The following PPP2R5E variants were observed in gnomAD, a reference collection of about 807,000 sequenced individuals.
The protein encoded by PPP2R5E is serine/threonine-protein phosphatase 2A 56 kDa regulatory subunit epsilon isoform.
A neutral mutation model predicts 65.3 loss-of-function variants in PPP2R5E; 4 were observed. The ratio of observed to expected loss-of-function variants is 0.06; its 90% CI spans 0.03 to 0.14. PPP2R5E has a LOEUF of 0.14. Among genes scored for constraint, PPP2R5E ranks in the 10% least tolerant of loss-of-function variants. The probability of loss-of-function intolerance (pLI) is 1.00; values close to 1 mark genes in which losing one functional copy is unlikely to be tolerated. For missense variants in PPP2R5E, 274 were observed against 556.1 expected (o/e 0.49, Z 5.10); for synonymous variants, 183 against 187.4 (o/e 0.98, Z 0.19).
At chr14:63,456,521 TTATC>T (rs1229650501) in intron 2 of PPP2R5E, among the ~76,000 whole-genome samples, 1 of 152,244 alleles carries the variant, frequency 6.6e-6, no homozygotes, top group Non-Finnish European at 1.5e-5. Context: ...ATTGGGCACT[TTATC>T]TAAGCACTTA....
chr14:63,401,058 G>A (rs980046846), intron 5 of PPP2R5E, among the ~76,000 whole-genome samples: 1 of 152,120 alleles, frequency 6.6e-6, no homozygotes, highest in Non-Finnish European at 1.5e-5. Flanking sequence ...ATGCATTGCC[G>A]AGTGCCTAAC....
intron 2 of PPP2R5E, among the ~76,000 whole-genome samples, chr14:63,462,398 G>C (rs1889532444): frequency 6.6e-6 from 1 of 152,084 alleles, no homozygotes; most frequent in Non-Finnish European, 1.5e-5. Context: ...TAAAAGCTGA[G>C]AAGATAAATC....
chr14:63,396,846 G>GTGC, intron 5 of PPP2R5E, 130 bp from the exon 6 acceptor site: 1 of 1,104,388 alleles, frequency 9.1e-7, no homozygotes, highest in Non-Finnish European at 1.3e-6. Flanking sequence ...GCCAAGCACA[G>GTGC]TGCTAGTCTT....
rs374503547 is a variant in PPP2R5E, at chr14:63,382,183, G to A, written c.1203-26C>T. On this transcript the variant is annotated intron_variant, in intron 12 of 13. Coordinates refer to ENST00000337537, the MANE Select transcript of PPP2R5E (RefSeq NM_006246.5). ...CTGGAAAGCACAGAAAAAAAGGAGT[G>A]TGTTAGTTAGTCTTATAAAATGGGA... The A allele has an allele frequency of 5.7e-6, 9 of 1,565,476 alleles. No homozygotes were observed. In the African/African-American group the frequency reaches 1.2e-4, roughly 21 times the overall value.
Position 63,539,578 on chromosome 14 carries a change from A to T in PPP2R5E, c.108T>A (p.Phe36Leu). ...ACTCAATAGGCTTGCCTTGAGACCT[A>T]AACTGTGAGGAACTTTGCGACCTCT... Reference protein sequence around the residue: ...RQKRSQSSSQFRSQGKPIELT... With the variant: ...RQKRSQSSSQLRSQGKPIELT... Residue 36 changes from phenylalanine to leucine, a missense_variant, in exon 2 of 14, where the codon TTT becomes TTA. By Grantham distance (22) the Phe-to-Leu change is conservative. Around this residue, in one of 6 missense-constraint regions of PPP2R5E, gnomAD observed 58 missense variants for 64.8 expected, o/e 0.90. Transcript: ENST00000337537. 1 of 1,614,104 alleles carries T rather than the reference A, an allele frequency of 6.2e-7. No individual in the cohort carries two copies. Among genetic ancestry groups the T allele is most frequent in the South Asian group, 1.1e-5 (1 of 91,082 alleles).
chr14:63,411,378 G>C (rs991655792), intron 5 of PPP2R5E, among the ~76,000 whole-genome samples: 2 of 152,106 alleles, frequency 1.3e-5, no homozygotes, highest in African/African-American at 4.8e-5. Flanking sequence ...ACCCTGGCTA[G>C]TTTAACAACT....
At chr14:63,465,859 T>G (rs981019530) in intron 2 of PPP2R5E, among the ~76,000 whole-genome samples, 5 of 152,096 alleles carry the variant, frequency 3.3e-5, no homozygotes. Context: ...GAAGCCCAAT[T>G]TTCAGTCAGG....
intron 3 of PPP2R5E, 112 bp downstream of exon 3, chr14:63,453,577 T>C: frequency 1.0e-6 from 1 of 987,930 alleles, no homozygotes; most frequent in Non-Finnish European, 1.5e-6. Context: ...CTCCAAAGGT[T>C]GGCTCTCATT....
chr14:63,408,135 T>C (rs1190611810), intron 5 of PPP2R5E, among the ~76,000 whole-genome samples: 1 of 152,222 alleles, frequency 6.6e-6, no homozygotes, highest in Admixed American at 6.5e-5. Context: ...TCACATTCTT[T>C]TTACAAACTG....
At chr14:63,395,196 G>A (rs1336466896) in intron 7 of PPP2R5E, 30 bp downstream of exon 7, 2 of 1,571,146 alleles carry the variant, frequency 1.3e-6, no homozygotes, top group Admixed American at 1.7e-5. Flanking sequence ...ATATTCATCT[G>A]AGATTAGCAA....
intron 2 of PPP2R5E, among the ~76,000 whole-genome samples, chr14:63,524,248 G>C (rs938749474): frequency 6.6e-6 from 1 of 152,188 alleles, no homozygotes. Context: ...CTACATAACG[G>C]ATGAACTTTT....
At chr14:63,500,466 A>G (rs1221841985) in intron 2 of PPP2R5E, among the ~76,000 whole-genome samples, 2 of 152,348 alleles carry the variant, frequency 1.3e-5, no homozygotes, top group East Asian at 3.9e-4. Flanking sequence ...AGGATTTAGG[A>G]CAAAATAATA....
intron 3 of PPP2R5E, among the ~76,000 whole-genome samples, chr14:63,422,619 G>T (rs977133499): frequency 2.0e-5 from 3 of 151,842 alleles, no homozygotes; most frequent in African/African-American, 7.3e-5. Flanking sequence ...CCAGCTATGC[G>T]GGAGGCTGAG....
At chr14:63,384,355 C>T in intron 12 of PPP2R5E, 89 bp downstream of exon 12, 1 of 1,447,388 alleles carries the variant, frequency 6.9e-7, no homozygotes, top group Admixed American at 1.9e-5. Context: ...TCTTCAGCAA[C>T]AAGGACAGCA....
intron 2 of PPP2R5E, among the ~76,000 whole-genome samples, chr14:63,519,464 C>A (rs575377989): frequency 1.3e-5 from 2 of 151,418 alleles, no homozygotes; most frequent in Non-Finnish European, 2.9e-5. Context: ...GATTCTCCCC[C>A]CGAGTAGCTG....
intron 3 of PPP2R5E, among the ~76,000 whole-genome samples, chr14:63,435,256 A>AG (rs1887897369): frequency 6.6e-6 from 1 of 151,610 alleles, no homozygotes. Context: ...AATTTTTTAA[A>AG]GGGAAAAAAG....
intron 5 of PPP2R5E, among the ~76,000 whole-genome samples, chr14:63,403,191 C>T (rs1015743073): frequency 6.6e-6 from 1 of 151,960 alleles, no homozygotes; most frequent in African/African-American, 2.4e-5. Flanking sequence ...CTTTGGAAGA[C>T]GAAGGCGGGC....
chr14:63,532,133 A>G (rs77580437), intron 2 of PPP2R5E, among the ~76,000 whole-genome samples: 1 of 152,300 alleles, frequency 6.6e-6, no homozygotes, highest in Non-Finnish European at 1.5e-5. Context: ...TGTTCACATA[A>G]TTTTAGGCTG....
Position 63,386,799 on chromosome 14 carries a change from C to T in PPP2R5E, c.1075-2228G>A, listed in dbSNP as rs577866690. On this transcript the variant is annotated intron_variant, in intron 11 of 13. Transcript: ENST00000337537. ...ATTAGCTGGGCATGGTGGGGCATGCCTGTGGTCCCAGCTACTCGGGAGGCT... is the reference window on the plus strand; with the variant it reads ...ATTAGCTGGGCATGGTGGGGCATGCTTGTGGTCCCAGCTACTCGGGAGGCT... Among the ~76,000 whole-genome samples, 63 of 152,100 alleles carry T rather than the reference C, an allele frequency of 4.1e-4. No individual in the cohort carries two copies. The South Asian group carries it at 0.013, about 31-fold the overall frequency.
Sources: allele counts gnomAD v4.1 joint callset (sites outside exome capture counted in the v4.1 genomes callset), GRCh38; gene constraint gnomAD v4.1.1; regional missense constraint gnomAD v4.1.1; transcripts MANE v1.5; gene names NCBI Gene and HGNC (gene_info 2026-07-23, HGNC 2026-07-21).